Variants in AGPAT5 observed in about 807,000 individuals in gnomAD.
The protein encoded by AGPAT5 is 1-acyl-sn-glycerol-3-phosphate acyltransferase epsilon.
Under a neutral mutation model 45.6 loss-of-function variants are expected in AGPAT5, and 46 were observed. That is an observed-to-expected ratio of 1.01 (90% CI 0.80 to 1.29). The LOEUF is 1.29. Ranked by LOEUF, AGPAT5 falls within the 50% of genes most tolerant of loss-of-function variation. AGPAT5 has a pLI of 0.00. For synonymous variants in AGPAT5, 272 were observed against 167.0 expected, an observed-to-expected ratio of 1.63 and a Z score of -4.85; for missense variants, 673 against 450.7, an observed-to-expected ratio of 1.49 and a Z score of -4.47.
At chr8:6,751,538 G>A (rs1801654040) in intron 6 of AGPAT5, among the ~76,000 whole-genome samples, 1 of 152,202 alleles carries the variant, frequency 6.6e-6, no homozygotes, top group Non-Finnish European at 1.5e-5. Flanking sequence ...GTCTTATGTT[G>A]AGGAGAGGCA....
At chr8:6,726,355 G>A (rs1243736081) in intron 2 of AGPAT5, among the ~76,000 whole-genome samples, 1 of 152,182 alleles carries the variant, frequency 6.6e-6, no homozygotes, top group East Asian at 1.9e-4. Flanking sequence ...TTGATCCAGT[G>A]TTAATTTCAT....
At chr8:6,747,891 G>A in intron 6 of AGPAT5, 63 bp downstream of exon 6, 4 of 1,477,200 alleles carry the variant, frequency 2.7e-6, no homozygotes, top group Non-Finnish European at 3.6e-6. Flanking sequence ...TGTTTATGTA[G>A]AATTCAGTTT....
At chr8:6,712,689 G>C (rs1040169191) in intron 1 of AGPAT5, among the ~76,000 whole-genome samples, 1 of 152,170 alleles carries the variant, frequency 6.6e-6, no homozygotes, top group African/African-American at 2.4e-5. Flanking sequence ...CTATCATCGT[G>C]AGTTAACGTG....
chr8:6,749,668 A>G (rs17078050), intron 6 of AGPAT5, among the ~76,000 whole-genome samples: 1,884 of 152,314 alleles, frequency 0.012, 43 homozygotes, highest in African/African-American at 0.043. Flanking sequence ...CTTTTAAACT[A>G]TCGAAGGAGT....
rs371144996 is a variant in AGPAT5, at chr8:6,728,421, TTA to T, written c.290-2286_290-2285del. Among the ~76,000 whole-genome samples the T allele has an allele frequency of 3.5e-3, 530 of 152,340 alleles. 3 individuals are homozygous for T. Among genetic ancestry groups the T allele is most frequent in the African/African-American group, 0.012 (507 of 41,576 alleles). ...AGCAAATATTGGTGACACAAAGCTT[TTA>T]TATTTTGACTAGTTAAGCTAGTTCT... On this transcript the variant is annotated intron_variant, in intron 2 of 7. Coordinates refer to ENST00000285518, the MANE Select transcript of AGPAT5 (RefSeq NM_018361.5).
chr8:6,739,860 A>G (rs1314119223), intron 4 of AGPAT5, among the ~76,000 whole-genome samples: 1 of 152,058 alleles, frequency 6.6e-6, no homozygotes, highest in Non-Finnish European at 1.5e-5. Context: ...TCATTCTTTT[A>G]TCCATTCTTT....
intron 2 of AGPAT5, among the ~76,000 whole-genome samples, chr8:6,729,816 A>T (rs1800803653): frequency 6.6e-6 from 1 of 151,980 alleles, no homozygotes; most frequent in Non-Finnish European, 1.5e-5. Context: ...TGTTTTTGCA[A>T]CCCTTTGTTA....
intron 1 of AGPAT5, among the ~76,000 whole-genome samples, chr8:6,719,395 C>A (rs934822966): frequency 6.6e-6 from 1 of 152,174 alleles, no homozygotes; most frequent in Non-Finnish European, 1.5e-5. Flanking sequence ...AAGTAGTAGG[C>A]AGGAATTCAA....
Position 6,727,382 on chromosome 8 carries a change from C to G in AGPAT5, c.289+2443C>G, listed in dbSNP as rs183586263. On this transcript the variant is annotated intron_variant, in intron 2 of 7. Coordinates refer to ENST00000285518, the MANE Select transcript of AGPAT5 (RefSeq NM_018361.5). ...CTTCAACTATCTACTTTTGACAACA[C>G]TTTGCCTTTTTTTTTTTGAGATGGA... is the stretch of plus-strand genomic sequence containing the variant. Among the ~76,000 whole-genome samples, 9 of 149,552 alleles carry G rather than the reference C, an allele frequency of 6.0e-5. No homozygotes were observed. In the East Asian group the frequency reaches 1.4e-3, roughly 23 times the overall value.
intron 5 of AGPAT5, among the ~76,000 whole-genome samples, chr8:6,743,334 C>G (rs1205159356): frequency 1.3e-5 from 2 of 152,230 alleles, no homozygotes; most frequent in African/African-American, 2.4e-5. Flanking sequence ...CTCCATGTCT[C>G]TCTGCCTAAC....
At position 6,741,668 on chromosome 8, in the gene AGPAT5, T is replaced by C; in HGVS notation, c.503T>C (p.Leu168Pro). The C allele has an allele frequency of 6.2e-7, 1 of 1,604,146 alleles. No individual in the cohort carries two copies. Among genetic ancestry groups the C allele is most frequent in the Non-Finnish European group, 8.5e-7 (1 of 1,176,002 alleles). ...SYVDAGTPMYLVIFPEGTRYN... is the reference protein window; with the variant it reads ...SYVDAGTPMYPVIFPEGTRYN... ...TTGCTCTATGTCCCACAGATGTATC[T>C]TGTGATTTTTCCAGAAGGTACAAGG... The change falls in exon 5 of 8, where the codon CTT (leucine) becomes CCT (proline). Residue 168 changes from leucine (L) to proline (P), a missense_variant. Leu to Pro is a moderately conservative substitution (Grantham distance 98). Transcript: ENST00000285518.
intron 4 of AGPAT5, among the ~76,000 whole-genome samples, chr8:6,740,945 A>G (rs1347844355): frequency 1.3e-5 from 2 of 152,086 alleles, no homozygotes; most frequent in Non-Finnish European, 2.9e-5. Flanking sequence ...AGTTTTTGTA[A>G]CTCAGTTCTC....
rs1373668861 is a variant in AGPAT5, at chr8:6,760,884, T to G, written c.*3496T>G. Reference sequence around the variant, plus strand: ...ACATACTTGTCAAATATTCATGTAATTAACTGAATTTAAAACCTTCAACTA... The same window carrying G: ...ACATACTTGTCAAATATTCATGTAAGTAACTGAATTTAAAACCTTCAACTA... On this transcript the variant is annotated 3_prime_UTR_variant, in exon 8 of 8. Coordinates refer to ENST00000285518, the MANE Select transcript of AGPAT5 (RefSeq NM_018361.5). 6.6e-6 allele frequency among the ~76,000 whole-genome samples: 1 copy of G among 152,246 alleles called. No individual in the cohort carries two copies. The highest frequency in any genetic ancestry group is 1.9e-4 in the East Asian group (1 of 5,206).
At chr8:6,717,191 A>T (rs1429056137) in intron 1 of AGPAT5, among the ~76,000 whole-genome samples, 3 of 152,212 alleles carry the variant, frequency 2.0e-5, no homozygotes, top group Admixed American at 6.5e-5. Flanking sequence ...AGCCTATGCA[A>T]TTCTCCAAGG....
intron 2 of AGPAT5, among the ~76,000 whole-genome samples, chr8:6,729,204 A>T (rs886081735): frequency 3.9e-5 from 6 of 152,168 alleles, no homozygotes; most frequent in African/African-American, 1.4e-4. Flanking sequence ...CTTTTTTGGG[A>T]TATTCTGACT....
In AGPAT5 at chr8:6,754,983, AT is replaced by A. The variant is rs1432536241; in HGVS notation, c.746-63del. ...TTTTTTGTCCTGTTACCTTATTTTC[AT>A]TTTTACTTTATATGACCATGAGTTC... On this transcript the variant is annotated intron_variant, in intron 6 of 7. Coordinates refer to ENST00000285518, the MANE Select transcript of AGPAT5 (RefSeq NM_018361.5). 6 of 1,310,684 alleles carry A rather than the reference AT, an allele frequency of 4.6e-6. No homozygotes were observed. The East Asian group carries it at 1.7e-4, about 37-fold the overall frequency. The allele number at this position is 1,310,684 out of a possible 1,614,324, so 81.2% of individuals were successfully genotyped here.
In AGPAT5 at chr8:6,760,506, C is replaced by G. The variant is rs746140182; in HGVS notation, c.*3118C>G. On this transcript the variant is annotated 3_prime_UTR_variant, in exon 8 of 8. Transcript: ENST00000285518. ...TGTGAAAAGAGAGAGAAATGTCTACCAAAGCAGTATTTTGTGTGTATAATT... is the reference window on the plus strand; with the variant it reads ...TGTGAAAAGAGAGAGAAATGTCTACGAAAGCAGTATTTTGTGTGTATAATT... Among the ~76,000 whole-genome samples the G allele has an allele frequency of 1.3e-5, 2 of 152,124 alleles. No individual in the cohort carries two copies. The highest frequency in any genetic ancestry group is 2.4e-5 in the African/African-American group (1 of 41,420).
At chr8:6,719,415 A>G (rs1305827123) in intron 1 of AGPAT5, among the ~76,000 whole-genome samples, 1 of 152,194 alleles carries the variant, frequency 6.6e-6, no homozygotes, top group African/African-American at 2.4e-5. Flanking sequence ...ATATCTGATG[A>G]AAAGATTAGA....
At chr8:6,738,691 C>T (rs1422805554) in intron 4 of AGPAT5, 1 of 152,162 alleles carries the variant, frequency 6.6e-6, no homozygotes, top group African/African-American at 2.4e-5. Flanking sequence ...CCTGTCACTC[C>T]TAAGAATGTT....
Sources: allele counts gnomAD v4.1 joint callset (sites outside exome capture counted in the v4.1 genomes callset), GRCh38; gene constraint gnomAD v4.1.1; transcripts MANE v1.5; gene names NCBI Gene and HGNC (gene_info 2026-07-23, HGNC 2026-07-21).